The following FAM193B variants were observed in gnomAD, a reference collection of about 807,000 sequenced individuals.
FAM193B encodes the protein family with sequence similarity 193 member B.
A neutral mutation model predicts 70.7 loss-of-function variants in FAM193B; 27 were observed. That is an observed-to-expected ratio of 0.38 (90% CI 0.28 to 0.53). The LOEUF is 0.53. Ranked by LOEUF, FAM193B falls within the 20% of genes least tolerant of loss-of-function variation. FAM193B has a pLI of 0.81. For synonymous variants in FAM193B, 448 were observed against 436.0 expected (o/e 1.03, Z -0.34); for missense variants, 1,022 against 1,072.5 (o/e 0.95, Z 0.66).
At chr5:177,552,180 A>G in intron 1 of FAM193B, 1 of 608,516 alleles carries the variant, frequency 1.6e-6, no homozygotes, top group Non-Finnish European at 2.1e-6. Flanking sequence ...GTTGATCAAT[A>G]TTTGTTAACC....
chr5:177,521,182 G>A (rs758847196), intron 8 of FAM193B, among the ~76,000 whole-genome samples: 1 of 152,214 alleles, frequency 6.6e-6, no homozygotes, highest in Non-Finnish European at 1.5e-5. Context: ...CACAGCTGAG[G>A]GTTGAGATAT....
In FAM193B at chr5:177,538,865, G is replaced by A; in HGVS notation, c.453+40C>T. On this transcript the variant is annotated intron_variant, in intron 2 of 8. Coordinates refer to ENST00000514747, the MANE Select transcript of FAM193B (RefSeq NM_001190946.3). This position sits in a 1 kb window ranked among gnomAD's most constrained non-coding sequence, Gnocchi z 4.1. Reference sequence around the variant, plus strand: ...AACAGCCTGACTTCCTTGGGGAGGAGCCCTCCTGCATTCAGGGACCCCTGT... The same window carrying A: ...AACAGCCTGACTTCCTTGGGGAGGAACCCTCCTGCATTCAGGGACCCCTGT... The A allele has an allele frequency of 6.2e-7, 1 of 1,607,752 alleles. No individual in the cohort carries two copies. Among genetic ancestry groups the A allele is most frequent in the Non-Finnish European group, 8.5e-7 (1 of 1,175,688 alleles).
chr5:177,526,973 A>G (rs1042713179), intron 5 of FAM193B, among the ~76,000 whole-genome samples: 1 of 152,226 alleles, frequency 6.6e-6, no homozygotes, highest in Non-Finnish European at 1.5e-5. Flanking sequence ...TCAGAGTGAC[A>G]GTGACAAGTG....
In FAM193B at chr5:177,554,489, ACGCCGCCGCCGCCGCCGC is replaced by A. The variant is rs1554123264; in HGVS notation, c.-49_-32del. ...CGCTCGCGCCGCTCCCTCGCTCCAC[ACGCCGCCGCCGCCGCCGC>A]CGCCGCCGCCGCCGCCGCCGCCGCT... On this transcript the variant is annotated 5_prime_UTR_variant, in exon 1 of 9. Coordinates refer to ENST00000514747, the MANE Select transcript of FAM193B (RefSeq NM_001190946.3). 1.7e-6 allele frequency: 1 copy of A among 604,978 alleles called. No homozygotes were observed. Among genetic ancestry groups the A allele is most frequent in the African/African-American group, 2.3e-5 (1 of 42,664 alleles). 37.5% of individuals were successfully genotyped at this position (604,978 alleles called of 1,614,324 possible).
At chr5:177,536,201 C>G (rs1385473923) in intron 4 of FAM193B, 157 bp downstream of exon 4, 2 of 834,698 alleles carry the variant, frequency 2.4e-6, no homozygotes. Flanking sequence ...GTGTGAGCCA[C>G]TGTGCCAGGC....
chr5:177,544,181 G>A (rs1234426387), intron 1 of FAM193B, among the ~76,000 whole-genome samples: 1 of 152,208 alleles, frequency 6.6e-6, no homozygotes, highest in East Asian at 1.9e-4. Context: ...AGGGATCCAT[G>A]CTGTAGCATG....
intron 4 of FAM193B, among the ~76,000 whole-genome samples, chr5:177,535,920 TA>T (rs1362190178): frequency 8.1e-5 from 4 of 49,284 alleles, no homozygotes; most frequent in East Asian, 6.3e-4. Context: ...CCCCACATAC[TA>T]TTTTTTTTTT....
rs767639563 is a variant in FAM193B, at chr5:177,532,513, G to A, written c.1205C>T (p.Ser402Leu). The change falls in exon 5 of 9, where the codon TCA becomes TTA. Residue 402 changes from serine (S) to leucine (L), a missense_variant. Transcript: ENST00000514747. This position sits in a 1 kb window ranked among gnomAD's most constrained non-coding sequence, Gnocchi z 4.9. ...DSSSERSSCT[S>L]SSTHQRDGKF... ...CCCATCTCTCTGGTGGGTGGAGGAT[G>A]AGGTGCAGGAGCTTCGCTCAGAGCT... 12 of 1,611,148 alleles carry A rather than the reference G, an allele frequency of 7.4e-6. No homozygotes were observed. The East Asian group carries it at 2.7e-4, about 36-fold the overall frequency.
intron 1 of FAM193B, among the ~76,000 whole-genome samples, chr5:177,552,388 G>C (rs1019451386): frequency 6.6e-6 from 1 of 152,272 alleles, no homozygotes; most frequent in Non-Finnish European, 1.5e-5. Context: ...AGGTCAAGTA[G>C]TGGAGTAGGT....
chr5:177,536,423 A>G lies in FAM193B; in HGVS notation c.1011T>C (p.Cys337=), dbSNP rs1764168894. ...SGCSHPCSGH[C]GGHCSGPLLP... is the part of the protein sequence containing the mutation. ...GGAGAGGCCCACTGCAGTGCCCACC[A>G]CAGTGCCCGCTGCAGGGGTGGCTGC... Residue 337 remains cysteine (C), a synonymous_variant, in exon 4 of 9, where the codon TGT becomes TGC. Coordinates refer to ENST00000514747, the MANE Select transcript of FAM193B (RefSeq NM_001190946.3). 1 of 1,604,654 alleles carries G rather than the reference A, an allele frequency of 6.2e-7. No individual in the cohort carries two copies. Among genetic ancestry groups the G allele is most frequent in the Non-Finnish European group, 8.5e-7 (1 of 1,177,166 alleles).
At chr5:177,551,269 AT>A (rs33979381) in intron 1 of FAM193B, among the ~76,000 whole-genome samples, 144,693 of 151,272 alleles carry the variant, frequency 0.96, 69,533 homozygotes, top group East Asian at 1. Context: ...GTTGTTCTTT[AT>A]TTTTTTTTTT....
intron 1 of FAM193B, among the ~76,000 whole-genome samples, chr5:177,551,414 C>T (rs1430564438): frequency 6.6e-6 from 1 of 152,106 alleles, no homozygotes; most frequent in African/African-American, 2.4e-5. Context: ...CATTTGGGAT[C>T]CCAATTAAAC....
chr5:177,541,521 C>T (rs1764856387), intron 1 of FAM193B, among the ~76,000 whole-genome samples: 1 of 152,204 alleles, frequency 6.6e-6, no homozygotes, highest in Admixed American at 6.5e-5. Context: ...CAGGTTCACG[C>T]CATTCTCCTG....
intron 8 of FAM193B, among the ~76,000 whole-genome samples, chr5:177,521,037 C>G (rs1042161930): frequency 6.6e-6 from 1 of 152,120 alleles, no homozygotes; most frequent in Non-Finnish European, 1.5e-5. Flanking sequence ...TGGCCTGGCA[C>G]TGGAAAGAGG....
chr5:177,523,901 G>C (rs1762161394), intron 7 of FAM193B, 56 bp downstream of exon 7: 2 of 1,585,572 alleles, frequency 1.3e-6, no homozygotes, highest in South Asian at 1.1e-5. Flanking sequence ...CAGGGCTTGA[G>C]TGTGGGCAGG....
chr5:177,531,498 C>G (rs1763449237), intron 5 of FAM193B: 3 of 1,343,706 alleles, frequency 2.2e-6, no homozygotes, highest in Non-Finnish European at 3.0e-6. Flanking sequence ...CGGTATAGTT[C>G]CGACTCGTCG....
intron 5 of FAM193B, chr5:177,531,676 C>G: frequency 1.4e-6 from 1 of 720,498 alleles, no homozygotes; most frequent in South Asian, 1.8e-5. Context: ...CTCAGCCAGG[C>G]TGAATCCAGG....
chr5:177,546,739 C>T (rs1221706883), intron 1 of FAM193B, among the ~76,000 whole-genome samples: 2 of 152,204 alleles, frequency 1.3e-5, no homozygotes, highest in Admixed American at 6.5e-5. Flanking sequence ...TTTCACACTA[C>T]GAGACTAGTC....
intron 5 of FAM193B, among the ~76,000 whole-genome samples, chr5:177,530,931 G>C (rs1763349489): frequency 6.6e-6 from 1 of 152,188 alleles, no homozygotes; most frequent in Non-Finnish European, 1.5e-5. Context: ...TTTTGTGTCA[G>C]TCTCCCCACT....
Sources: gnomAD v4.1 joint callset for allele counts (sites outside exome capture counted in the v4.1 genomes callset) on GRCh38, gnomAD v4.1.1 for gene constraint, Gnocchi (gnomAD v3.1) non-coding constraint, MANE v1.5 for transcripts, NCBI Gene and HGNC (gene_info 2026-07-23, HGNC 2026-07-21) for gene names.